AACS: variants seen among roughly 807,000 people sequenced by gnomAD.
AACS encodes the protein acetoacetyl-CoA synthetase, also known as acetoacetate-CoA ligase.
In AACS, 69 loss-of-function variants were observed where a neutral mutation model predicts 83.1. The observed-to-expected ratio is 0.83, with a 90% CI of 0.68 to 1.01. The LOEUF (loss-of-function observed/expected upper bound fraction) is 1.01. AACS is among the 50% of genes least tolerant of loss of function. The probability of loss-of-function intolerance (pLI) is 0.00; values close to 1 mark genes in which losing one functional copy is unlikely to be tolerated. For synonymous variants in AACS, 333 were observed against 343.4 expected, an observed-to-expected ratio of 0.97 and a Z score of 0.33; for missense variants, 866 against 882.2, an observed-to-expected ratio of 0.98 and a Z score of 0.23.
intron 8 of AACS, among the ~76,000 whole-genome samples, chr12:125,111,648 C>T (rs1303771518): frequency 6.6e-6 from 1 of 152,194 alleles, no homozygotes. Context: ...TGCTCGTAAT[C>T]TTCCCAATTG....
chr12:125,114,303 C>T, intron 8 of AACS, 174 bp from the exon 9 acceptor site: 1 of 524,700 alleles, frequency 1.9e-6, no homozygotes, highest in Non-Finnish European at 3.4e-6. Flanking sequence ...GGGGGCATGG[C>T]TCATCACAGG....
intron 7 of AACS, among the ~76,000 whole-genome samples, chr12:125,103,656 A>G (rs560628310): frequency 1.3e-5 from 2 of 152,370 alleles, no homozygotes; most frequent in East Asian, 1.9e-4. Flanking sequence ...TTGTAGAAGA[A>G]TAAGCCACAT....
chr12:125,067,186 A>G (rs566844906), intron 1 of AACS, among the ~76,000 whole-genome samples: 2 of 152,210 alleles, frequency 1.3e-5, no homozygotes, highest in East Asian at 3.9e-4. Flanking sequence ...TCATTTTCCT[A>G]GGCTAACCCA....
intron 3 of AACS, among the ~76,000 whole-genome samples, chr12:125,079,069 G>A (rs1956101994): frequency 6.6e-6 from 1 of 152,136 alleles, no homozygotes; most frequent in Non-Finnish European, 1.5e-5. Context: ...CCTTCCTCTG[G>A]CTGACCCCTG....
chr12:125,099,293 T>C (rs1296254933), intron 5 of AACS, among the ~76,000 whole-genome samples: 1 of 152,244 alleles, frequency 6.6e-6, no homozygotes, highest in African/African-American at 2.4e-5. Context: ...TGCTGTAGCT[T>C]ACAGAGACTT....
At chr12:125,091,862 T>C (rs1330211317) in intron 5 of AACS, among the ~76,000 whole-genome samples, 1 of 152,246 alleles carries the variant, frequency 6.6e-6, no homozygotes, top group Non-Finnish European at 1.5e-5. Context: ...GTGTATGTCC[T>C]CTGAAGAGAG....
At position 125,076,974 on chromosome 12, in the gene AACS, G is replaced by C. The variant is rs542617897; in HGVS notation, c.358+363G>C. On this transcript the variant is annotated intron_variant, in intron 3 of 17. Coordinates refer to ENST00000316519, the MANE Select transcript of AACS (RefSeq NM_023928.5). ...GCTGGAGTGCACTGGCATGATCATG[G>C]ATGGCTCACTGCAGCCTCAATCTCC... is the stretch of plus-strand genomic sequence containing the variant. Among the ~76,000 whole-genome samples the C allele has an allele frequency of 4.2e-4, 64 of 152,140 alleles. 1 individual carries two copies. Among genetic ancestry groups the C allele is most frequent in the African/African-American group, 1.5e-3 (63 of 41,490 alleles).
rs1404058153 is a variant in AACS, at chr12:125,094,693, C to T, written c.570+3170C>T. 6.6e-6 allele frequency among the ~76,000 whole-genome samples: 1 copy of T among 152,234 alleles called. No homozygotes were observed. The highest frequency in any genetic ancestry group is 2.1e-4 in the South Asian group (1 of 4,834). On this transcript the variant is annotated intron_variant, in intron 5 of 17. Coordinates refer to ENST00000316519, the MANE Select transcript of AACS (RefSeq NM_023928.5). The surrounding 1 kb of genome is among the most constrained non-coding windows in gnomAD (Gnocchi z 4.1). ...CCCACCTCCTTCTGCCTGCTCTCTG[C>T]TGGCTGCCTGGGCATCTCAGCTTGC... is the stretch of plus-strand genomic sequence containing the variant.
intron 9 of AACS, among the ~76,000 whole-genome samples, chr12:125,114,776 CAT>C (rs1298673058): frequency 5.9e-5 from 9 of 151,470 alleles, no homozygotes; most frequent in South Asian, 2.1e-4. Flanking sequence ...GCCCGTGGCA[CAT>C]GTTAAGGGCT....
chr12:125,086,308 T>G (rs369738655), intron 3 of AACS, 22 bp from the exon 4 acceptor site: 7 of 1,610,454 alleles, frequency 4.3e-6, no homozygotes, highest in Non-Finnish European at 5.9e-6. Flanking sequence ...CTGTGTACAA[T>G]TTACCCTTTT....
At position 125,070,952 on chromosome 12, in the gene AACS, G is replaced by A. The variant is rs192041192; in HGVS notation, c.134-2924G>A. 3.3e-5 allele frequency among the ~76,000 whole-genome samples: 5 copies of A among 152,342 alleles called. No individual in the cohort carries two copies. In the East Asian group the frequency reaches 9.6e-4, roughly 29 times the overall value. ...ACAATGCATTTGTTACCTATTGCTG[G>A]TGACAAATCAGCCCAAAAGTTAGCG... On this transcript the variant is annotated intron_variant, in intron 1 of 17. Transcript: ENST00000316519.
chr12:125,125,538 A>G (rs1957233934), intron 12 of AACS, among the ~76,000 whole-genome samples: 1 of 152,172 alleles, frequency 6.6e-6, no homozygotes. Flanking sequence ...ACTGCTCTGC[A>G]ATGTCTGAGA....
chr12:125,114,461 C>T lies in AACS; in HGVS notation c.916-16C>T, dbSNP rs374621943. The T allele has an allele frequency of 3.5e-4, 561 of 1,611,102 alleles. 7 individuals carry two copies. The Middle Eastern group carries it at 7.8e-3, about 22-fold the overall frequency. On this transcript the variant is annotated splice_polypyrimidine_tract_variant and intron_variant, in intron 8 of 17. Coordinates refer to ENST00000316519, the MANE Select transcript of AACS (RefSeq NM_023928.5). ...GCCTAACAGAGAGCACCCGCTCCCC[C>T]GTGTCTCCCCTGCAGGGCACCCTCA...
Position 125,129,494 on chromosome 12 carries a change from C to T in AACS, c.1549+34C>T, listed in dbSNP as rs1236809712. 1 of 1,604,986 alleles carries T rather than the reference C, an allele frequency of 6.2e-7. No homozygotes were observed. Among genetic ancestry groups the T allele is most frequent in the Admixed American group, 1.7e-5 (1 of 59,098 alleles). ...GAGAGATGCAGACAGAGCTGGCCAG[C>T]CTCTGCCTTGGCTGGGCCTTCTGTG... On this transcript the variant is annotated intron_variant, in intron 14 of 17. Coordinates refer to ENST00000316519, the MANE Select transcript of AACS (RefSeq NM_023928.5). The surrounding 1 kb of genome is among the most constrained non-coding windows in gnomAD (Gnocchi z 4.3).
At chr12:125,082,022 C>T (rs571852535) in intron 3 of AACS, among the ~76,000 whole-genome samples, 10 of 151,070 alleles carry the variant, frequency 6.6e-5, no homozygotes, top group African/African-American at 2.2e-4. Flanking sequence ...ATTACAGGCA[C>T]GTGCCAGCAT....
chr12:125,107,066 C>T, intron 7 of AACS, 55 bp from the exon 8 acceptor site: 1 of 1,610,072 alleles, frequency 6.2e-7, no homozygotes, highest in Non-Finnish European at 8.5e-7. Context: ...ATCAGTGGGT[C>T]CGGTCCAGCA....
intron 15 of AACS, among the ~76,000 whole-genome samples, chr12:125,134,344 TCA>T (rs1346924124): frequency 6.6e-6 from 1 of 152,192 alleles, no homozygotes; most frequent in Middle Eastern, 3.2e-3. Flanking sequence ...CATTGTCTGC[TCA>T]GTCTGCAACA....
At chr12:125,106,354 T>A (rs1956834214) in intron 7 of AACS, among the ~76,000 whole-genome samples, 1 of 152,242 alleles carries the variant, frequency 6.6e-6, no homozygotes, top group Admixed American at 6.5e-5. Context: ...CTTTGGTGGT[T>A]CTTGGCCACC....
intron 8 of AACS, 47 bp from the exon 9 acceptor site, chr12:125,114,430 C>A: frequency 6.5e-7 from 1 of 1,538,482 alleles, no homozygotes; most frequent in Non-Finnish European, 8.9e-7. Context: ...ATTCCTGGTA[C>A]TGTATGCCTA....
Sources: gnomAD v4.1 joint callset for allele counts (sites outside exome capture counted in the v4.1 genomes callset) on GRCh38, gnomAD v4.1.1 for gene constraint, Gnocchi (gnomAD v3.1) non-coding constraint, MANE v1.5 for transcripts, NCBI Gene and HGNC (gene_info 2026-07-23, HGNC 2026-07-21) for gene names.